DIAPH3: variants seen among roughly 807,000 people sequenced by gnomAD.
DIAPH3 encodes the protein diaphanous related formin 3, also known as protein diaphanous homolog 3.
Under a neutral mutation model 144.3 loss-of-function variants are expected in DIAPH3, and 117 were observed. The observed-to-expected ratio is 0.81, with a 90% CI of 0.70 to 0.95. The LOEUF is 0.95. DIAPH3 is among the 40% of genes least tolerant of loss of function. DIAPH3 has a pLI of 0.00. For missense variants in DIAPH3, 1,421 were observed against 1,412.7 expected (o/e 1.01, Z -0.09); for synonymous variants, 519 against 488.9 (o/e 1.06, Z -0.81).
At chr13:60,036,935 G>A (rs955840750) in intron 5 of DIAPH3, among the ~76,000 whole-genome samples, 1 of 152,024 alleles carries the variant, frequency 6.6e-6, no homozygotes, top group Non-Finnish European at 1.5e-5. Flanking sequence ...AATTTTCACA[G>A]AAAGATACCC....
rs554889020 is a variant in DIAPH3 at position 60,006,900 on chromosome 13, A to T, written c.1014+1644T>A. The stretch of plus-strand genomic sequence containing the variant: ...GCTCTCTTACAGAGGTTCCTGCAGG[A>T]CCCATGCCATAGAGACCCTCTGGTC... On this transcript the variant is annotated intron_variant, in intron 9 of 27. Coordinates refer to ENST00000400324, the MANE Select transcript of DIAPH3 (RefSeq NM_001042517.2). Among the ~76,000 whole-genome samples the T allele has an allele frequency of 2.0e-5, 3 of 152,236 alleles. No individual in the cohort carries two copies. The East Asian group carries it at 5.8e-4, about 29-fold the overall frequency.
intron 25 of DIAPH3, among the ~76,000 whole-genome samples, chr13:59,800,670 C>T (rs897092826): frequency 5.3e-5 from 8 of 152,140 alleles, no homozygotes; most frequent in African/African-American, 1.4e-4. Flanking sequence ...ATAATCCAAA[C>T]GACATGTTTC....
At chr13:59,686,596 C>T (rs1048980899) in intron 27 of DIAPH3, among the ~76,000 whole-genome samples, 2 of 151,596 alleles carry the variant, frequency 1.3e-5, no homozygotes, top group Non-Finnish European at 2.9e-5. Context: ...ACGGACAAAA[C>T]ATGGTATTCA....
At chr13:59,694,107 A>G (rs1019379490) in intron 27 of DIAPH3, among the ~76,000 whole-genome samples, 2 of 152,186 alleles carry the variant, frequency 1.3e-5, no homozygotes, top group South Asian at 4.1e-4. Context: ...GATATTATAT[A>G]TTTTTGTCTT....
At chr13:59,716,313 A>C (rs369057828) in intron 27 of DIAPH3, among the ~76,000 whole-genome samples, 51 of 152,078 alleles carry the variant, frequency 3.4e-4, no homozygotes, top group South Asian at 1.5e-3. Context: ...GTAGCTGGGA[A>C]TACAGGCGCC....
chr13:60,024,510 C>T lies in DIAPH3; in HGVS notation c.627-8365G>A, dbSNP rs1354371669. ...AGACTTTCTATTTTTTTTCTTTTGT[C>T]AGCACATTCCTATTTGCCTATTGTA... On this transcript the variant is annotated intron_variant, in intron 5 of 27. Transcript: ENST00000400324. Among the ~76,000 whole-genome samples, 6 of 152,042 alleles carry T rather than the reference C, an allele frequency of 3.9e-5. No homozygotes were observed. In the South Asian group the frequency reaches 1.2e-3, roughly 32 times the overall value.
chr13:60,109,675 G>C (rs2138050244), intron 3 of DIAPH3, among the ~76,000 whole-genome samples: 1 of 152,226 alleles, frequency 6.6e-6, no homozygotes, highest in African/African-American at 2.4e-5. Context: ...TTTTAACCAG[G>C]ATCAGAAGAA....
intron 24 of DIAPH3, among the ~76,000 whole-genome samples, chr13:59,827,050 T>G (rs920857157): frequency 5.3e-5 from 8 of 152,162 alleles, no homozygotes; most frequent in Non-Finnish European, 8.8e-5. Flanking sequence ...AATAAAGACT[T>G]AAACGTTAGA....
intron 7 of DIAPH3, among the ~76,000 whole-genome samples, chr13:60,015,243 T>C (rs2053560079): frequency 6.6e-6 from 1 of 152,080 alleles, no homozygotes; most frequent in Admixed American, 6.6e-5. Flanking sequence ...CAATCCCTCC[T>C]GCCTCGGCAT....
At chr13:59,980,313 T>C (rs1461135038) in intron 14 of DIAPH3, among the ~76,000 whole-genome samples, 1 of 151,612 alleles carries the variant, frequency 6.6e-6, no homozygotes, top group Non-Finnish European at 1.5e-5. Context: ...AATTTTTATA[T>C]ATGATTTCAT....
chr13:59,911,974 G>A, intron 19 of DIAPH3, 138 bp from the exon 20 acceptor site: 1 of 676,340 alleles, frequency 1.5e-6, no homozygotes, highest in South Asian at 1.9e-5. Context: ...CTCCTAATAA[G>A]CCTTAAGCAA....
intron 20 of DIAPH3, among the ~76,000 whole-genome samples, chr13:59,906,786 A>G (rs2046765208): frequency 6.6e-6 from 1 of 152,260 alleles, no homozygotes; most frequent in Non-Finnish European, 1.5e-5. Flanking sequence ...AAGAAAGTCT[A>G]GTACACCAAG....
rs111445346 is a variant in DIAPH3 at position 60,109,782 on chromosome 13, T to C, written c.390+2228A>G. ...CATGTTCACCTTGTTCAAAAAACAC[T>C]ACTTACAGGTATCTAAGAGTTCAGG... is the stretch of plus-strand genomic sequence containing the variant. On this transcript the variant is annotated intron_variant, in intron 3 of 27. Transcript: ENST00000400324. Among the ~76,000 whole-genome samples, 725 of 152,300 alleles carry C rather than the reference T, an allele frequency of 4.8e-3. 9 individuals carry two copies. The highest frequency in any genetic ancestry group is 0.017 in the Middle Eastern group (5 of 294).
intron 24 of DIAPH3, among the ~76,000 whole-genome samples, chr13:59,812,280 CCAT>C (rs2040525242): frequency 1.3e-5 from 2 of 151,574 alleles, no homozygotes; most frequent in Non-Finnish European, 2.9e-5. Context: ...ATCCATCCAT[CCAT>C]CCATCCATCC....
chr13:60,089,265 T>A (rs2137875996), intron 4 of DIAPH3, among the ~76,000 whole-genome samples: 1 of 152,328 alleles, frequency 6.6e-6, no homozygotes, highest in African/African-American at 2.4e-5. Context: ...ATATCTTCCA[T>A]GCTTGGTTTG....
chr13:59,944,797 G>T (rs951096136), intron 17 of DIAPH3, among the ~76,000 whole-genome samples: 1 of 150,112 alleles, frequency 6.7e-6, no homozygotes, highest in Admixed American at 6.7e-5. Flanking sequence ...GAAAAAAAGG[G>T]GGGGGGCTAT....
chr13:59,895,447 A>AC (rs973607315), intron 20 of DIAPH3, among the ~76,000 whole-genome samples: 2 of 150,382 alleles, frequency 1.3e-5, no homozygotes, highest in African/African-American at 4.9e-5. Flanking sequence ...AAAAAAACAA[A>AC]AAAAAAACAC....
chr13:59,688,889 A>G (rs2033356459), intron 27 of DIAPH3, among the ~76,000 whole-genome samples: 1 of 152,150 alleles, frequency 6.6e-6, no homozygotes, highest in Non-Finnish European at 1.5e-5. Flanking sequence ...ACAATGAAAA[A>G]AACTCACATA....
intron 19 of DIAPH3, among the ~76,000 whole-genome samples, chr13:59,915,760 T>C (rs1271147329): frequency 6.6e-6 from 1 of 152,094 alleles, no homozygotes; most frequent in Non-Finnish European, 1.5e-5. Flanking sequence ...AAGGTAACTG[T>C]AATTGAAAAC....
Sources: allele counts gnomAD v4.1 joint callset (sites outside exome capture counted in the v4.1 genomes callset), GRCh38; gene constraint gnomAD v4.1.1; transcripts MANE v1.5; gene names NCBI Gene and HGNC (gene_info 2026-07-23, HGNC 2026-07-21).